CACHD1: variants seen among roughly 807,000 people sequenced by gnomAD.
CACHD1 encodes VWFA and cache domain-containing protein 1.
A neutral mutation model predicts 138.7 loss-of-function variants in CACHD1; 71 were observed. The ratio of observed to expected loss-of-function variants is 0.51; its 90% CI spans 0.42 to 0.62. The LOEUF (loss-of-function observed/expected upper bound fraction) is 0.62. Among genes scored for constraint, CACHD1 ranks in the 20% least tolerant of loss-of-function variants. The probability of loss-of-function intolerance (pLI) is 0.00; values close to 1 mark genes in which losing one functional copy is unlikely to be tolerated. For synonymous variants in CACHD1, 578 were observed against 591.5 expected (o/e 0.98, Z 0.33); for missense variants, 1,389 against 1,625.3 (o/e 0.85, Z 2.50).
intron 1 of CACHD1, among the ~76,000 whole-genome samples, chr1:64,529,718 T>G (rs1191687726): frequency 6.6e-6 from 1 of 152,232 alleles, no homozygotes; most frequent in Non-Finnish European, 1.5e-5. Flanking sequence ...AGCTGGGATT[T>G]GAATCCACAA....
chr1:64,629,319 T>G, intron 4 of CACHD1, 36 bp from the exon 5 acceptor site: 1 of 1,609,300 alleles, frequency 6.2e-7, no homozygotes, highest in African/African-American at 1.3e-5. Flanking sequence ...CACCTGTGGA[T>G]TTGGTGGTTA....
At chr1:64,626,248 T>A (rs775917394) in intron 4 of CACHD1, among the ~76,000 whole-genome samples, 13 of 152,232 alleles carry the variant, frequency 8.5e-5, no homozygotes, top group Non-Finnish European at 1.2e-4. Flanking sequence ...AGTATGTACA[T>A]GCTAGAAATA....
At chr1:64,500,718 A>T (rs1646333111) in intron 1 of CACHD1, among the ~76,000 whole-genome samples, 2 of 30,340 alleles carry the variant, frequency 6.6e-5, no homozygotes, top group Admixed American at 5.0e-4. Context: ...CTTGTCTCTT[A>T]AAAAAAAAAA....
At chr1:64,477,953 C>G (rs898932383) in intron 1 of CACHD1, among the ~76,000 whole-genome samples, 1 of 152,108 alleles carries the variant, frequency 6.6e-6, no homozygotes, top group Non-Finnish European at 1.5e-5. Flanking sequence ...TATTTTGAAG[C>G]AAATTCCAAA....
At chr1:64,583,993 T>G (rs573368960) in intron 3 of CACHD1, among the ~76,000 whole-genome samples, 1 of 152,288 alleles carries the variant, frequency 6.6e-6, no homozygotes, top group South Asian at 2.1e-4. Context: ...TTATCTTTTA[T>G]AGTGGGGCAC....
chr1:64,671,679 A>C lies in CACHD1; in HGVS notation c.2503A>C (p.Lys835Gln), dbSNP rs755123522. 1 of 1,614,086 alleles carries C rather than the reference A, an allele frequency of 6.2e-7. No homozygotes were observed. Among genetic ancestry groups the C allele is most frequent in the South Asian group, 1.1e-5 (1 of 91,076 alleles). ...LPVCNQDGGN[K>Q]IRCFIMEDRG... ...TGTCTGTAACCAAGATGGTGGCAAC[A>C]AAATAAGGTAAGTGCTTTGGGGATG... The change falls in exon 17 of 27, where the codon AAA becomes CAA. Residue 835 changes from lysine to glutamine, a missense_variant. Lys to Gln is a moderately conservative substitution (Grantham distance 53). Around this residue, in one of 5 missense-constraint regions of CACHD1, gnomAD observed 1,000 missense variants for 1,114.7 expected, o/e 0.90. Transcript: ENST00000651257.
chr1:64,649,459 G>A (rs1649018582), intron 9 of CACHD1, among the ~76,000 whole-genome samples: 1 of 152,068 alleles, frequency 6.6e-6, no homozygotes, highest in Non-Finnish European at 1.5e-5. Flanking sequence ...AAAATATGAA[G>A]TCCTGAATGC....
intron 2 of CACHD1, among the ~76,000 whole-genome samples, chr1:64,564,835 G>A (rs1383820758): frequency 6.6e-6 from 1 of 152,060 alleles, no homozygotes; most frequent in Non-Finnish European, 1.5e-5. Context: ...TATTACTTTT[G>A]TATTTCTACT....
intron 1 of CACHD1, among the ~76,000 whole-genome samples, chr1:64,530,637 G>C (rs1016561860): frequency 6.6e-6 from 1 of 152,006 alleles, no homozygotes; most frequent in South Asian, 2.1e-4. Context: ...TTGGGAGGCC[G>C]AGGTGGGCGG....
intron 1 of CACHD1, among the ~76,000 whole-genome samples, chr1:64,545,983 A>T (rs1009240530): frequency 2.0e-5 from 3 of 152,256 alleles, no homozygotes; most frequent in African/African-American, 7.2e-5. Context: ...TAATCTGTTC[A>T]CTATATAATA....
intron 1 of CACHD1, among the ~76,000 whole-genome samples, chr1:64,537,282 TG>T (rs1646640590): frequency 6.6e-6 from 1 of 152,160 alleles, no homozygotes; most frequent in Non-Finnish European, 1.5e-5. Flanking sequence ...AAAAATTGTT[TG>T]TTGAGCGGTG....
At chr1:64,573,957 G>A (rs1646946721) in intron 2 of CACHD1, among the ~76,000 whole-genome samples, 1 of 152,178 alleles carries the variant, frequency 6.6e-6, no homozygotes, top group Non-Finnish European at 1.5e-5. Flanking sequence ...GATAAACAGG[G>A]TCTTCAAATG....
chr1:64,534,962 C>T (rs1267969461), intron 1 of CACHD1, among the ~76,000 whole-genome samples: 1 of 152,218 alleles, frequency 6.6e-6, no homozygotes, highest in Non-Finnish European at 1.5e-5. Flanking sequence ...GTTGCTTTGT[C>T]ATGCATTCTG....
At chr1:64,622,531 A>G (rs1049959036) in intron 4 of CACHD1, among the ~76,000 whole-genome samples, 1 of 152,176 alleles carries the variant, frequency 6.6e-6, no homozygotes, top group African/African-American at 2.4e-5. Flanking sequence ...TAAATCTGTT[A>G]TTTTGATTGA....
At chr1:64,681,504 G>C (rs962414214) in intron 25 of CACHD1, among the ~76,000 whole-genome samples, 169 bp downstream of exon 25, 1 of 131,628 alleles carries the variant, frequency 7.6e-6, no homozygotes, top group African/African-American at 3.2e-5. Context: ...AGTACGTGTA[G>C]GTCTTTGTTT....
chr1:64,475,291 G>A (rs939125675), intron 1 of CACHD1, among the ~76,000 whole-genome samples: 1 of 144,640 alleles, frequency 6.9e-6, no homozygotes, highest in Admixed American at 7.3e-5. Context: ...CAGTCCTCTT[G>A]AGTAGCTGAG....
At position 64,676,883 on chromosome 1, in the gene CACHD1, C is replaced by T. The variant is rs781534849; in HGVS notation, c.2976-12C>T. 13 of 1,608,734 alleles carry T rather than the reference C, an allele frequency of 8.1e-6. No homozygotes were observed. The highest frequency in any genetic ancestry group is 1.1e-5 in the Non-Finnish European group (13 of 1,175,968). ...GTGGTCGTCTTAACCTCCAGACTTACCTCCTGCACAGAAACCCCAGCTGCG... is the reference window on the plus strand; with the variant it reads ...GTGGTCGTCTTAACCTCCAGACTTATCTCCTGCACAGAAACCCCAGCTGCG... On this transcript the variant is annotated splice_polypyrimidine_tract_variant and intron_variant, in intron 21 of 26. Coordinates refer to ENST00000651257, the MANE Select transcript of CACHD1 (RefSeq NM_020925.4).
intron 4 of CACHD1, among the ~76,000 whole-genome samples, chr1:64,611,176 T>A (rs1647519719): frequency 6.6e-6 from 1 of 152,184 alleles, no homozygotes; most frequent in South Asian, 2.1e-4. Flanking sequence ...TTTATTCCTC[T>A]GAGGCCTCTG....
intron 16 of CACHD1, among the ~76,000 whole-genome samples, chr1:64,666,546 G>A (rs1649638563): frequency 6.6e-6 from 1 of 152,078 alleles, no homozygotes; most frequent in Admixed American, 6.5e-5. Flanking sequence ...AATTATGATT[G>A]CCAGAGAGTG....
Sources: allele counts gnomAD v4.1 joint callset (sites outside exome capture counted in the v4.1 genomes callset), GRCh38; gene constraint gnomAD v4.1.1; regional missense constraint gnomAD v4.1.1; transcripts MANE v1.5; gene names NCBI Gene and HGNC (gene_info 2026-07-23, HGNC 2026-07-21).